The following CSMD1 variants were observed in gnomAD, a reference collection of about 807,000 sequenced individuals.
CSMD1 encodes CUB and Sushi multiple domains 1, also known as CUB and sushi domain-containing protein 1.
CSMD1 carries 213 observed loss-of-function variants against 417.5 expected under a neutral mutation model. That is an observed-to-expected ratio of 0.51 (90% CI 0.46 to 0.57). CSMD1 has a LOEUF of 0.57. CSMD1 is among the 20% of genes least tolerant of loss of function. The pLI, the probability that CSMD1 is intolerant of heterozygous loss-of-function variation, is 0.00. For missense variants in CSMD1, 6,923 were observed against 4,529.7 expected (o/e 1.53, Z -15.17); for synonymous variants, 2,862 against 1,736.8 (o/e 1.65, Z -16.11).
intron 2 of CSMD1, among the ~76,000 whole-genome samples, chr8:4,479,859 G>C (rs556620695): frequency 1.3e-5 from 2 of 151,756 alleles, no homozygotes; most frequent in African/African-American, 2.4e-5. Context: ...CCAGCTACTC[G>C]GGAGGCTGAG....
chr8:4,607,203 G>A (rs1800922970), intron 2 of CSMD1, among the ~76,000 whole-genome samples: 1 of 152,076 alleles, frequency 6.6e-6, no homozygotes, highest in Admixed American at 6.5e-5. Context: ...CGGCAGGAGT[G>A]GGAGAGGTAG....
At chr8:4,016,365 C>A (rs1224232937) in intron 4 of CSMD1, among the ~76,000 whole-genome samples, 1 of 152,106 alleles carries the variant, frequency 6.6e-6, no homozygotes, top group Admixed American at 6.5e-5. Flanking sequence ...TCTCCTCTTG[C>A]CTGAATTGGC....
In CSMD1 at chr8:4,726,136, C is replaced by T. The variant is rs539821610; in HGVS notation, c.86-88578G>A. On this transcript the variant is annotated intron_variant, in intron 1 of 69. Transcript: ENST00000635120. ...CGGGGAGGACAAGACGTCATCTGGG[C>T]GAGCCATTTGCATCCAGATGAATAC... Among the ~76,000 whole-genome samples, 7 of 152,038 alleles carry T rather than the reference C, an allele frequency of 4.6e-5. No individual in the cohort carries two copies. The South Asian group carries it at 1.2e-3, about 27-fold the overall frequency.
intron 3 of CSMD1, among the ~76,000 whole-genome samples, chr8:4,146,504 G>C (rs1208454266): frequency 3.4e-5 from 5 of 147,590 alleles, no homozygotes; most frequent in African/African-American, 1.0e-4. Flanking sequence ...CAGACGTTGT[G>C]ATGTGCACAG....
At chr8:4,670,134 G>C (rs1224407248) in intron 1 of CSMD1, among the ~76,000 whole-genome samples, 1 of 152,146 alleles carries the variant, frequency 6.6e-6, no homozygotes, top group African/African-American at 2.4e-5. Flanking sequence ...GGTAGGGTTA[G>C]AAATATAGTT....
At chr8:3,141,770 G>A (rs182878432) in intron 41 of CSMD1, among the ~76,000 whole-genome samples, 1 of 150,098 alleles carries the variant, frequency 6.7e-6, no homozygotes, top group East Asian at 2.0e-4. Context: ...GAGCACTACC[G>A]GCTTCCCAAG....
intron 12 of CSMD1, among the ~76,000 whole-genome samples, chr8:3,430,638 C>A (rs1875073): frequency 0.1 from 15,799 of 152,144 alleles, 926 homozygotes; most frequent in Middle Eastern, 0.14. Context: ...GAAACCACAT[C>A]TCCACTAAAA....
rs938898508 is a variant in CSMD1, at chr8:4,201,334, C to G, written c.416-169235G>C. ...CGGGCGGATCACGAGGTCAGGAGAT[C>G]GAGACCATCTTGGGTAACACGGTGA... On this transcript the variant is annotated intron_variant, in intron 3 of 69. Transcript: ENST00000635120. 1.7e-4 allele frequency among the ~76,000 whole-genome samples: 26 copies of G among 151,946 alleles called. 1 individual carries two copies. Among genetic ancestry groups the G allele is most frequent in the Non-Finnish European group, 2.4e-4 (16 of 67,948 alleles).
At chr8:3,131,318 A>G (rs1252160473) in intron 41 of CSMD1, among the ~76,000 whole-genome samples, 2 of 151,990 alleles carry the variant, frequency 1.3e-5, no homozygotes, top group East Asian at 3.8e-4. Flanking sequence ...CAATGTGCAC[A>G]TGTACCCTAA....
At chr8:3,162,899 T>C (rs1440328642) in intron 37 of CSMD1, among the ~76,000 whole-genome samples, 5 of 152,196 alleles carry the variant, frequency 3.3e-5, no homozygotes, top group African/African-American at 9.6e-5. Context: ...CACTCACAGA[T>C]TTTTTTAAAG....
At chr8:3,277,746 G>T (rs972538649) in intron 26 of CSMD1, among the ~76,000 whole-genome samples, 1 of 152,176 alleles carries the variant, frequency 6.6e-6, no homozygotes, top group Non-Finnish European at 1.5e-5. Context: ...ACACTCAGGG[G>T]AGAAGCCTGG....
chr8:4,629,532 T>A (rs539078517), intron 2 of CSMD1, among the ~76,000 whole-genome samples: 39 of 152,342 alleles, frequency 2.6e-4, no homozygotes, highest in African/African-American at 9.4e-4. Flanking sequence ...ATTCTTTGTC[T>A]TTCATACTTA....
chr8:4,467,559 T>A (rs546339305), intron 2 of CSMD1, among the ~76,000 whole-genome samples: 15 of 152,310 alleles, frequency 9.8e-5, no homozygotes, highest in Admixed American at 3.9e-4. Context: ...GTTGAAAAAT[T>A]GTTATTTTAA....
intron 1 of CSMD1, among the ~76,000 whole-genome samples, chr8:4,654,033 T>G (rs1804074919): frequency 6.6e-6 from 1 of 152,158 alleles, no homozygotes; most frequent in South Asian, 2.1e-4. Flanking sequence ...TGACTTCAGA[T>G]GTCCAAGTTA....
At chr8:3,894,209 GAAGAC>G (rs1452134630) in intron 5 of CSMD1, among the ~76,000 whole-genome samples, 1 of 152,100 alleles carries the variant, frequency 6.6e-6, no homozygotes, top group African/African-American at 2.4e-5. Context: ...TCTAAACCCA[GAAGAC>G]AAGAACGCAG....
chr8:3,454,280 T>G (rs990221009), intron 12 of CSMD1, among the ~76,000 whole-genome samples: 2 of 152,214 alleles, frequency 1.3e-5, no homozygotes, highest in Non-Finnish European at 2.9e-5. Flanking sequence ...TGCCAGTCTG[T>G]GTCTTTTAAT....
At chr8:4,778,710 G>T (rs929021116) in intron 1 of CSMD1, among the ~76,000 whole-genome samples, 1 of 152,048 alleles carries the variant, frequency 6.6e-6, no homozygotes, top group Non-Finnish European at 1.5e-5. Flanking sequence ...ACTTTCCATG[G>T]GACTATGCCC....
At chr8:4,654,635 GA>G (rs1804115410) in intron 1 of CSMD1, among the ~76,000 whole-genome samples, 1 of 152,138 alleles carries the variant, frequency 6.6e-6, no homozygotes, top group African/African-American at 2.4e-5. Context: ...TAAAATGGTT[GA>G]AGTCAGCTTA....
chr8:3,545,768 T>A (rs912073096), intron 10 of CSMD1, among the ~76,000 whole-genome samples: 1 of 152,190 alleles, frequency 6.6e-6, no homozygotes, highest in Non-Finnish European at 1.5e-5. Context: ...CAAATACAGA[T>A]AAGCTTTTGT....
Sources: gnomAD v4.1 joint callset for allele counts (sites outside exome capture counted in the v4.1 genomes callset) on GRCh38, gnomAD v4.1.1 for gene constraint, MANE v1.5 for transcripts, NCBI Gene and HGNC (gene_info 2026-07-23, HGNC 2026-07-21) for gene names.